CUL3: variants seen among roughly 807,000 people sequenced by gnomAD.
CUL3 encodes the protein cullin 3.
Under a neutral mutation model 89.1 loss-of-function variants are expected in CUL3, and 19 were observed. The ratio of observed to expected loss-of-function variants is 0.21; its 90% CI spans 0.15 to 0.31. CUL3 has a LOEUF of 0.31. CUL3 is among the 10% of genes least tolerant of loss of function. CUL3 has a pLI of 1.00. For missense variants in CUL3, 469 were observed against 942.3 expected, an observed-to-expected ratio of 0.50 and a Z score of 6.58; for synonymous variants, 351 against 308.4, an observed-to-expected ratio of 1.14 and a Z score of -1.45.
At position 224,503,613 on chromosome 2, in the gene CUL3, CAGTT is replaced by C. The variant is rs1559143237; in HGVS notation, c.1377+35_1377+38del. On this transcript the variant is annotated intron_variant, in intron 9 of 15. Coordinates refer to ENST00000264414, the MANE Select transcript of CUL3 (RefSeq NM_003590.5). ...GTCAGTACACAATCATAATAAACCT[CAGTT>C]AGGTGCACTCTATTTCATCTAAAAC... 8.1e-6 allele frequency: 12 copies of C among 1,477,114 alleles called. No individual in the cohort carries two copies. In the Admixed American group the frequency reaches 9.6e-5, roughly 12 times the overall value. 91.5% of individuals were successfully genotyped at this position (1,477,114 alleles called of 1,614,324 possible).
chr2:224,535,107 T>C (rs982462007), intron 3 of CUL3, among the ~76,000 whole-genome samples: 6 of 152,116 alleles, frequency 3.9e-5, no homozygotes, highest in Admixed American at 2.0e-4. Context: ...AAGAAAGTAC[T>C]GTTCATTTAA....
chr2:224,543,912 G>A (rs560106756), intron 2 of CUL3, among the ~76,000 whole-genome samples: 31 of 152,018 alleles, frequency 2.0e-4, no homozygotes, highest in African/African-American at 4.6e-4. Context: ...TTAAGCCCAG[G>A]AGGTGGAAGC....
intron 6 of CUL3, among the ~76,000 whole-genome samples, chr2:224,507,948 T>A (rs181722370): frequency 6.6e-6 from 1 of 152,144 alleles, no homozygotes; most frequent in Non-Finnish European, 1.5e-5. Context: ...AGATAATAAA[T>A]ATTTTAAAAT....
chr2:224,475,359 A>G (rs1323739423), intron 15 of CUL3, among the ~76,000 whole-genome samples: 1 of 152,226 alleles, frequency 6.6e-6, no homozygotes, highest in Admixed American at 6.5e-5. Context: ...GTCTCATTTT[A>G]CAAACGAGGA....
At chr2:224,533,631 C>A (rs564655626) in intron 3 of CUL3, among the ~76,000 whole-genome samples, 1 of 152,152 alleles carries the variant, frequency 6.6e-6, no homozygotes, top group East Asian at 1.9e-4. Flanking sequence ...AGTTAGGATG[C>A]GATTTAAAGA....
intron 13 of CUL3, among the ~76,000 whole-genome samples, chr2:224,490,815 AATAATGT>A (rs1289732213): frequency 4.6e-5 from 7 of 152,246 alleles, no homozygotes; most frequent in African/African-American, 1.7e-4. Context: ...ATGCATTTTA[AATAATGT>A]TAACTTGTAT....
intron 3 of CUL3, among the ~76,000 whole-genome samples, chr2:224,531,348 C>G (rs1574663288): frequency 6.6e-6 from 1 of 151,652 alleles, no homozygotes; most frequent in African/African-American, 2.4e-5. Context: ...TAGGCCTCCC[C>G]AAGTACTGGA....
chr2:224,539,782 T>TA (rs570679129), intron 2 of CUL3, among the ~76,000 whole-genome samples: 80 of 147,414 alleles, frequency 5.4e-4, no homozygotes, highest in African/African-American at 1.8e-3. Flanking sequence ...AAAAAAAAAA[T>TA]AGGTATGTAA....
intron 2 of CUL3, among the ~76,000 whole-genome samples, chr2:224,550,330 G>GCTGTGA (rs1215170635): frequency 6.6e-6 from 1 of 152,166 alleles, no homozygotes; most frequent in Non-Finnish European, 1.5e-5. Flanking sequence ...TTTTGGCTGT[G>GCTGTGA]CTGTGACTGT....
At chr2:224,513,156 T>C (rs1432230405) in intron 5 of CUL3, among the ~76,000 whole-genome samples, 1 of 152,208 alleles carries the variant, frequency 6.6e-6, no homozygotes, top group Non-Finnish European at 1.5e-5. Context: ...GCTAATCAAC[T>C]GTTTATGTTA....
intron 11 of CUL3, among the ~76,000 whole-genome samples, chr2:224,499,002 G>A (rs950220039): frequency 4.6e-5 from 7 of 152,124 alleles, no homozygotes; most frequent in Non-Finnish European, 1.0e-4. Flanking sequence ...ACCTTACAAA[G>A]ATACATGTCA....
At chr2:224,568,531 G>A (rs1246310042) in intron 1 of CUL3, among the ~76,000 whole-genome samples, 4 of 152,102 alleles carry the variant, frequency 2.6e-5, no homozygotes, top group Non-Finnish European at 4.4e-5. Flanking sequence ...ACAGGAAAAC[G>A]GTTGAATGTG....
chr2:224,526,664 G>C (rs1693492598), intron 3 of CUL3, among the ~76,000 whole-genome samples: 1 of 148,682 alleles, frequency 6.7e-6, no homozygotes, highest in Non-Finnish European at 1.5e-5. Flanking sequence ...TCTACTTCAT[G>C]TTAGGCAGTG....
chr2:224,535,332 C>T (rs1321843356), intron 3 of CUL3, among the ~76,000 whole-genome samples, 196 bp downstream of exon 3: 1 of 152,112 alleles, frequency 6.6e-6, no homozygotes, highest in African/African-American at 2.4e-5. Context: ...CACCACTGCA[C>T]CTAATTTTTG....
intron 2 of CUL3, among the ~76,000 whole-genome samples, chr2:224,550,444 T>C (rs1694472815): frequency 6.6e-6 from 1 of 152,218 alleles, no homozygotes; most frequent in South Asian, 2.1e-4. Context: ...GGATTAGGGA[T>C]GTTCAACCTG....
intron 1 of CUL3, among the ~76,000 whole-genome samples, chr2:224,561,940 A>G (rs1432139264): frequency 6.6e-6 from 1 of 152,254 alleles, no homozygotes; most frequent in Non-Finnish European, 1.5e-5. Flanking sequence ...TTCAAAAAAG[A>G]GAAAAGTTAA....
intron 2 of CUL3, chr2:224,556,496 AAAC>A (rs1694710715): frequency 1.3e-5 from 2 of 152,128 alleles, no homozygotes; most frequent in African/African-American, 2.4e-5. Context: ...ATAATCTACA[AAAC>A]AACTGACCTA....
chr2:224,478,789 C>T (rs1451619280), intron 14 of CUL3: 1 of 155,662 alleles, frequency 6.4e-6, no homozygotes, highest in Non-Finnish European at 1.4e-5. Context: ...ATCTCTAAGG[C>T]TTTATGAGGA....
At chr2:224,508,656 C>T (rs1457654772) in intron 6 of CUL3, among the ~76,000 whole-genome samples, 4 of 152,072 alleles carry the variant, frequency 2.6e-5, no homozygotes, top group Non-Finnish European at 5.9e-5. Flanking sequence ...TCTACATACA[C>T]TTAATAAAAT....
Sources: gnomAD v4.1 joint callset for allele counts (sites outside exome capture counted in the v4.1 genomes callset) on GRCh38, gnomAD v4.1.1 for gene constraint, MANE v1.5 for transcripts, NCBI Gene and HGNC (gene_info 2026-07-23, HGNC 2026-07-21) for gene names.